Variants in DMD observed in about 807,000 individuals in gnomAD.
The protein encoded by DMD is mutant dystrophin.
DMD carries 63 observed loss-of-function variants against 330.1 expected under a neutral mutation model. The observed-to-expected ratio is 0.19, with a 90% CI of 0.16 to 0.24. The LOEUF is 0.24. Among genes scored for constraint, DMD ranks in the 10% least tolerant of loss-of-function variants. The probability of loss-of-function intolerance (pLI) is 1.00; values close to 1 mark genes in which losing one functional copy is unlikely to be tolerated. For synonymous variants in DMD, 1,223 were observed against 959.8 expected (o/e 1.27, Z -5.07); for missense variants, 3,344 against 2,684.1 (o/e 1.25, Z -5.43).
intron 44 of DMD, among the ~76,000 whole-genome samples, chrX:32,067,521 T>C (rs4620440): frequency 0.24 from 26,073 of 109,799 alleles, 3,047 homozygotes; most frequent in African/African-American, 0.45. Flanking sequence ...TTTCCCCTTC[T>C]ATTAGTCCCT....
chrX:32,193,032 A>G (rs947000308), intron 44 of DMD, among the ~76,000 whole-genome samples: 1 of 111,520 alleles, frequency 9.0e-6, no homozygotes, highest in South Asian at 3.8e-4. Context: ...CATCCTCATG[A>G]TGATGAGTGA....
At chrX:32,306,113 G>A (rs893522636) in intron 42 of DMD, among the ~76,000 whole-genome samples, 1 of 102,844 alleles carries the variant, frequency 9.7e-6, no homozygotes, top group Non-Finnish European at 2.0e-5. Flanking sequence ...ATTTTTCTTT[G>A]TTTGCTTGCT....
chrX:33,027,973 A>G (rs2094033948), intron 1 of DMD, among the ~76,000 whole-genome samples: 1 of 112,128 alleles, frequency 8.9e-6, no homozygotes, highest in South Asian at 3.7e-4. Context: ...TGAAATTATC[A>G]TCAACCTATT....
chrX:32,221,956 A>G (rs2097133456), intron 43 of DMD, among the ~76,000 whole-genome samples: 1 of 112,010 alleles, frequency 8.9e-6, no homozygotes, highest in Non-Finnish European at 1.9e-5. Context: ...GTATATGAAA[A>G]TATATGCCAC....
At chrX:32,129,339 A>G (rs1359997108) in intron 44 of DMD, among the ~76,000 whole-genome samples, 1 of 111,467 alleles carries the variant, frequency 9.0e-6, no homozygotes, top group Non-Finnish European at 1.9e-5. Context: ...TTATGATGAG[A>G]AAACAACACC....
chrX:32,616,215 A>G (rs1010454731), intron 11 of DMD, among the ~76,000 whole-genome samples: 8 of 111,159 alleles, frequency 7.2e-5, no homozygotes, highest in African/African-American at 2.6e-4. Context: ...AATAGGTGTC[A>G]TGTTTATCCA....
chrX:32,556,791 T>G, intron 16 of DMD, among the ~76,000 whole-genome samples: 1 of 112,030 alleles, frequency 8.9e-6, no homozygotes, highest in East Asian at 2.8e-4. Context: ...ATTATTGCCT[T>G]TGTAACTTTT....
At chrX:32,904,915 T>C (rs1292138870) in intron 2 of DMD, among the ~76,000 whole-genome samples, 1 of 111,931 alleles carries the variant, frequency 8.9e-6, no homozygotes, top group East Asian at 2.8e-4. Flanking sequence ...TGACTAGGCA[T>C]AATATGTTGC....
chrX:32,736,016 A>T (rs1273156574), intron 7 of DMD, among the ~76,000 whole-genome samples: 1 of 111,758 alleles, frequency 8.9e-6, no homozygotes, highest in African/African-American at 3.3e-5. Flanking sequence ...CAACCTACTC[A>T]TCTGACAAAG....
rs141063845 is a variant in DMD at position 32,810,746 on chromosome X, T to A, written c.531-1135A>T. On this transcript the variant is annotated intron_variant, in intron 6 of 78. Coordinates refer to ENST00000357033, the MANE Select transcript of DMD (RefSeq NM_004006.3). ...GTGCATAGCAGAGTTGCCAGAGTGATCTGTTAACATGTTTCATCATATCCG... is the reference window on the plus strand; with the variant it reads ...GTGCATAGCAGAGTTGCCAGAGTGAACTGTTAACATGTTTCATCATATCCG... Among the ~76,000 whole-genome samples, 569 of 111,614 alleles carry A rather than the reference T, an allele frequency of 5.1e-3. 2 individuals are homozygous for A. Among genetic ancestry groups the A allele is most frequent in the African/African-American group, 0.018 (538 of 30,722 alleles).
At chrX:31,804,005 T>A (rs930411931) in intron 50 of DMD, among the ~76,000 whole-genome samples, 1 of 110,999 alleles carries the variant, frequency 9.0e-6, no homozygotes, top group Non-Finnish European at 1.9e-5. Context: ...GGCCTCTCCT[T>A]TTACTTTTTA....
At chrX:32,878,150 C>T (rs1479456923) in intron 2 of DMD, among the ~76,000 whole-genome samples, 1 of 111,586 alleles carries the variant, frequency 9.0e-6, no homozygotes, top group African/African-American at 3.3e-5. Context: ...CCGAGGAGGG[C>T]GGATCACGAG....
chrX:31,539,075 T>C (rs7886857), intron 55 of DMD, among the ~76,000 whole-genome samples: 3,987 of 111,723 alleles, frequency 0.036, 177 homozygotes, highest in African/African-American at 0.12. Context: ...ATCTTAAACA[T>C]GAAGTAGCCT....
In DMD at chrX:32,345,925, T is replaced by C. The variant is rs189522063; in HGVS notation, c.5586+18A>G. 206 of 1,204,160 alleles carry C rather than the reference T, an allele frequency of 1.7e-4. No individual in the cohort carries two copies. The East Asian group carries it at 4.5e-3, about 27-fold the overall frequency. ...AAAAAACCACAGGCAAGGTATATTA[T>C]AATTTTAGCTCTAATACCTTGAGAG... On this transcript the variant is annotated intron_variant, in intron 39 of 78. Coordinates refer to ENST00000357033, the MANE Select transcript of DMD (RefSeq NM_004006.3).
intron 44 of DMD, 166 bp downstream of exon 44, chrX:32,216,750 T>C: frequency 2.1e-6 from 1 of 482,824 alleles, no homozygotes; most frequent in South Asian, 3.2e-5. Flanking sequence ...CATAGCACCG[T>C]GCTCTAATAT....
chrX:31,428,152 T>C (rs1416461239), intron 60 of DMD, among the ~76,000 whole-genome samples: 2 of 111,946 alleles, frequency 1.8e-5, no homozygotes, highest in African/African-American at 6.5e-5. Context: ...TGCTGAAATG[T>C]AATCCCCAGT....
At chrX:32,745,303 C>T (rs979072317) in intron 7 of DMD, among the ~76,000 whole-genome samples, 1 of 112,245 alleles carries the variant, frequency 8.9e-6, no homozygotes, top group Non-Finnish European at 1.9e-5. Flanking sequence ...GATCAATCAG[C>T]ATTTTAAGTT....
At chrX:31,686,000 C>A (rs1156470697) in intron 52 of DMD, among the ~76,000 whole-genome samples, 1 of 111,759 alleles carries the variant, frequency 8.9e-6, no homozygotes, top group Non-Finnish European at 1.9e-5. Flanking sequence ...CATTGTCCCA[C>A]TCTCCTACTG....
chrX:32,072,032 C>T (rs940692532), intron 44 of DMD, among the ~76,000 whole-genome samples: 3 of 111,805 alleles, frequency 2.7e-5, no homozygotes, highest in Non-Finnish European at 5.6e-5. Flanking sequence ...TGAGATAAAT[C>T]TTATTGTAAA....
Sources: gnomAD v4.1 joint callset for allele counts (sites outside exome capture counted in the v4.1 genomes callset) on GRCh38, gnomAD v4.1.1 for gene constraint, MANE v1.5 for transcripts, NCBI Gene and HGNC (gene_info 2026-07-23, HGNC 2026-07-21) for gene names.